Variants in DCLK2 observed in about 807,000 individuals in gnomAD.
DCLK2 encodes doublecortin like kinase 2, also known as serine/threonine-protein kinase DCLK2.
Under a neutral mutation model 78.4 loss-of-function variants are expected in DCLK2, and 31 were observed. The ratio of observed to expected loss-of-function variants is 0.40; its 90% confidence interval spans 0.30 to 0.53. The LOEUF is 0.53. DCLK2 is among the 20% of genes least tolerant of loss of function. DCLK2 has a pLI of 0.61. For synonymous variants in DCLK2, 407 were observed against 374.9 expected (o/e 1.09, Z -0.99); for missense variants, 872 against 973.7 (o/e 0.90, Z 1.39).
intron 12 of DCLK2, among the ~76,000 whole-genome samples, chr4:150,246,681 AG>A (rs1743339672): frequency 6.6e-6 from 1 of 151,930 alleles, no homozygotes; most frequent in African/African-American, 2.4e-5. Flanking sequence ...CCACCAAGTG[AG>A]GGGGCTGTGG....
At chr4:150,115,788 C>T (rs62338170) in intron 2 of DCLK2, among the ~76,000 whole-genome samples, 20,852 of 152,044 alleles carry the variant, frequency 0.14, 1,824 homozygotes, top group Non-Finnish European at 0.19. Flanking sequence ...ATTTATTTTC[C>T]GCAGTATTTT....
At chr4:150,232,487 T>C (rs752089962) in intron 9 of DCLK2, 31 bp downstream of exon 9, 7 of 1,608,398 alleles carry the variant, frequency 4.4e-6, no homozygotes, top group East Asian at 2.2e-5. Context: ...TCTTGGTGCC[T>C]AGTCCCACAA....
At chr4:150,225,203 G>C (rs540670572) in intron 8 of DCLK2, among the ~76,000 whole-genome samples, 1 of 152,182 alleles carries the variant, frequency 6.6e-6, no homozygotes, top group African/African-American at 2.4e-5. Context: ...CCGTTTGCCC[G>C]TAAGGGAGAC....
chr4:150,131,214 A>G (rs1250920440), intron 2 of DCLK2, among the ~76,000 whole-genome samples: 4 of 152,090 alleles, frequency 2.6e-5, no homozygotes, highest in Non-Finnish European at 5.9e-5. Context: ...TTAAGAGCAC[A>G]TGGCAGCTCA....
intron 10 of DCLK2, among the ~76,000 whole-genome samples, chr4:150,235,816 A>G (rs1268403067): frequency 6.6e-6 from 1 of 152,246 alleles, no homozygotes; most frequent in African/African-American, 2.4e-5. Flanking sequence ...TTTAAACACC[A>G]GAGCATTCAG....
chr4:150,097,642 T>C (rs1305534091), intron 1 of DCLK2, among the ~76,000 whole-genome samples: 1 of 152,204 alleles, frequency 6.6e-6, no homozygotes, highest in African/African-American at 2.4e-5. Context: ...TGAATGGACA[T>C]CAAAGGTAAA....
chr4:150,251,328 C>T, intron 15 of DCLK2, among the ~76,000 whole-genome samples: 1 of 7,396 alleles, frequency 1.4e-4, no homozygotes, highest in Non-Finnish European at 2.3e-4. Context: ...CCACATACCC[C>T]CACACACTCC....
rs1744525067 is a variant in DCLK2, at chr4:150,255,968, G to C, written c.2074-52G>C. 3 of 1,589,622 alleles carry C rather than the reference G, an allele frequency of 1.9e-6. No individual in the cohort carries two copies. In the Admixed American group the frequency reaches 5.2e-5, roughly 27 times the overall value. Reference sequence around the variant, plus strand: ...TTGTGCTCTCTGCTCGTGGCAGCTGGGACCCGAGCCTGGGCCCGGGTAATG... The same window carrying C: ...TTGTGCTCTCTGCTCGTGGCAGCTGCGACCCGAGCCTGGGCCCGGGTAATG... On this transcript the variant is annotated intron_variant, in intron 15 of 15. Transcript: ENST00000296550.
intron 12 of DCLK2, among the ~76,000 whole-genome samples, chr4:150,242,725 G>A (rs561905084): frequency 2.0e-5 from 3 of 152,274 alleles, no homozygotes; most frequent in South Asian, 2.1e-4. Flanking sequence ...TCTGCTCCCC[G>A]AGCACTTCCT....
At chr4:150,204,241 A>T (rs1739673973) in intron 5 of DCLK2, among the ~76,000 whole-genome samples, 1 of 152,308 alleles carries the variant, frequency 6.6e-6, no homozygotes, top group Admixed American at 6.5e-5. Context: ...TTCTTTAAAA[A>T]ATCTTGTTTC....
At chr4:150,236,807 T>A (rs750127453) in intron 10 of DCLK2, among the ~76,000 whole-genome samples, 7 of 152,246 alleles carry the variant, frequency 4.6e-5, no homozygotes, top group Non-Finnish European at 8.8e-5. Flanking sequence ...CAGGCTTGTC[T>A]ACCCCTAATG....
chr4:150,215,404 C>T (rs1031165182), intron 5 of DCLK2, among the ~76,000 whole-genome samples: 3 of 152,210 alleles, frequency 2.0e-5, no homozygotes, highest in African/African-American at 7.2e-5. Context: ...GCCTCTGGAA[C>T]TTGTGAATGA....
intron 2 of DCLK2, among the ~76,000 whole-genome samples, chr4:150,128,122 G>A: frequency 6.6e-6 from 1 of 151,882 alleles, no homozygotes; most frequent in East Asian, 1.9e-4. Context: ...GACTGGCGTA[G>A]GGTGGGGTAT....
intron 5 of DCLK2, among the ~76,000 whole-genome samples, chr4:150,209,181 C>G (rs1371493009): frequency 1.3e-5 from 2 of 152,244 alleles, no homozygotes. Flanking sequence ...TGTTAGGCCT[C>G]TTCCCCAGAA....
chr4:150,105,489 A>T (rs987549343), intron 2 of DCLK2, among the ~76,000 whole-genome samples: 1 of 152,108 alleles, frequency 6.6e-6, no homozygotes, highest in Non-Finnish European at 1.5e-5. Context: ...AGTGTTTTTG[A>T]ATATGCAGTG....
intron 2 of DCLK2, among the ~76,000 whole-genome samples, chr4:150,173,585 G>T (rs185841707): frequency 6.6e-6 from 1 of 152,274 alleles, no homozygotes; most frequent in Admixed American, 6.5e-5. Context: ...ACAAGGATGT[G>T]TTTTTTCTAG....
chr4:150,132,597 T>A (rs926783756), intron 2 of DCLK2, among the ~76,000 whole-genome samples: 3 of 152,194 alleles, frequency 2.0e-5, no homozygotes, highest in African/African-American at 7.2e-5. Context: ...CACAACTTTT[T>A]TTTTAAAGAC....
At chr4:150,088,418 C>CT (rs984639465) in intron 1 of DCLK2, among the ~76,000 whole-genome samples, 6 of 149,076 alleles carry the variant, frequency 4.0e-5, no homozygotes, top group African/African-American at 7.4e-5. Flanking sequence ...GTATATATAT[C>CT]TTTTTTTTTC....
chr4:150,107,325 G>A (rs1452385238), intron 2 of DCLK2, among the ~76,000 whole-genome samples: 1 of 150,656 alleles, frequency 6.6e-6, no homozygotes, highest in African/African-American at 2.4e-5. Context: ...CTATTTATGT[G>A]ATTGATGCAA....
Sources: allele counts gnomAD v4.1 joint callset (sites outside exome capture counted in the v4.1 genomes callset), GRCh38; gene constraint gnomAD v4.1.1; transcripts MANE v1.5; gene names NCBI Gene and HGNC (gene_info 2026-07-23, HGNC 2026-07-21).